CFAP47: variants seen among roughly 807,000 people sequenced by gnomAD.
The protein encoded by CFAP47 is cilia and flagella associated protein 47.
In CFAP47, 29 loss-of-function variants were observed where a neutral mutation model predicts 148.1. The observed-to-expected ratio is 0.20, with a 90% CI of 0.15 to 0.27. The LOEUF (loss-of-function observed/expected upper bound fraction) is 0.27. Among genes scored for constraint, CFAP47 ranks in the 10% least tolerant of loss-of-function variants. The probability of loss-of-function intolerance (pLI) is 1.00; values close to 1 mark genes in which losing one functional copy is unlikely to be tolerated. For missense variants in CFAP47, 1,872 were observed against 1,697.5 expected, an observed-to-expected ratio of 1.10 and a Z score of -1.81; for synonymous variants, 664 against 577.3, an observed-to-expected ratio of 1.15 and a Z score of -2.15.
rs918868742 is a variant in CFAP47 at position 36,065,796 on chromosome X, C to T, written c.4318+53C>T. 6 of 654,016 alleles carry T rather than the reference C, an allele frequency of 9.2e-6. No homozygotes were observed. In the African/African-American group the frequency reaches 1.3e-4, roughly 15 times the overall value. The allele number at this position is 654,016 out of a possible 1,213,427, so 53.9% of individuals were successfully genotyped here. A position where few individuals can be genotyped will look rare whatever the true frequency, so the allele number is the denominator to read the frequency against. Reference sequence around the variant, plus strand: ...TAACTCTCACTGTATAGGTTCTTGGCCAACATCTAGAAATAAAGTGAATTT... The same window carrying T: ...TAACTCTCACTGTATAGGTTCTTGGTCAACATCTAGAAATAAAGTGAATTT... On this transcript the variant is annotated intron_variant, in intron 27 of 63. Transcript: ENST00000378653.
At chrX:36,158,223 A>G (rs1422779007) in intron 37 of CFAP47, among the ~76,000 whole-genome samples, 1 of 111,964 alleles carries the variant, frequency 8.9e-6, no homozygotes, top group African/African-American at 3.2e-5. Context: ...AGCGAAGACA[A>G]TAGGTAGTAG....
chrX:36,344,308 TC>T (rs1225994502), intron 57 of CFAP47, among the ~76,000 whole-genome samples: 1 of 106,617 alleles, frequency 9.4e-6, no homozygotes, highest in African/African-American at 3.5e-5. Flanking sequence ...GAAGTTCAGT[TC>T]AAAAAAAAAA....
intron 33 of CFAP47, among the ~76,000 whole-genome samples, chrX:36,105,166 GA>G (rs777738975): frequency 8.0e-5 from 9 of 111,889 alleles, no homozygotes; most frequent in Non-Finnish European, 1.7e-4. Context: ...ATTTCACAAT[GA>G]AATAAAGTCA....
intron 49 of CFAP47, among the ~76,000 whole-genome samples, chrX:36,271,629 A>G (rs1420017852): frequency 5.4e-5 from 6 of 112,111 alleles, no homozygotes; most frequent in African/African-American, 1.9e-4. Context: ...ATTTCAAAAT[A>G]CTTTTTGCAC....
chrX:36,103,247 A>G (rs1238078216), intron 32 of CFAP47, among the ~76,000 whole-genome samples: 2 of 109,619 alleles, frequency 1.8e-5, no homozygotes, highest in African/African-American at 6.6e-5. Context: ...ATTAAAGCAG[A>G]TAATATAATG....
chrX:36,297,557 G>A (rs890543194), intron 51 of CFAP47, among the ~76,000 whole-genome samples: 3 of 111,644 alleles, frequency 2.7e-5, no homozygotes, highest in East Asian at 2.8e-4. Flanking sequence ...AGCTTTTGAC[G>A]TAGTGGAGAT....
At chrX:36,230,396 C>T (rs1220695992) in intron 46 of CFAP47, among the ~76,000 whole-genome samples, 2 of 109,425 alleles carry the variant, frequency 1.8e-5, no homozygotes, top group African/African-American at 3.4e-5. Flanking sequence ...TTTTTGGCTG[C>T]ATAAATGTCT....
intron 52 of CFAP47, among the ~76,000 whole-genome samples, chrX:36,300,768 G>A (rs1405886780): frequency 8.9e-6 from 1 of 112,155 alleles, no homozygotes; most frequent in Non-Finnish European, 1.9e-5. Context: ...GGCTTTTACT[G>A]TTCCACCTTC....
At chrX:36,058,130 T>A (rs1297506027) in intron 26 of CFAP47, among the ~76,000 whole-genome samples, 2 of 112,159 alleles carry the variant, frequency 1.8e-5, no homozygotes, top group Non-Finnish European at 3.8e-5. Flanking sequence ...TATTTTCTGC[T>A]ACATTCAAAC....
intron 60 of CFAP47, among the ~76,000 whole-genome samples, chrX:36,360,388 C>T (rs781938612): frequency 3.2e-4 from 36 of 111,428 alleles, no homozygotes; most frequent in Non-Finnish European, 1.9e-4. Flanking sequence ...ACACATCTGG[C>T]GCCTGTGTCT....
At chrX:35,951,098 A>G (rs1936156260) in intron 4 of CFAP47, 33 bp from the exon 5 acceptor site, 11 of 978,619 alleles carry the variant, frequency 1.1e-5, no homozygotes, top group Non-Finnish European at 1.6e-5. Flanking sequence ...TAATTAAAAT[A>G]TGTATGTATG....
At chrX:36,009,316 CAAATT>C (rs1280146608) in intron 21 of CFAP47, among the ~76,000 whole-genome samples, 1 of 110,042 alleles carries the variant, frequency 9.1e-6, no homozygotes, top group African/African-American at 3.3e-5. Flanking sequence ...TATTAATAAT[CAAATT>C]AAGAAAAAAA....
rs767595382 is a variant in CFAP47 at position 36,142,039 on chromosome X, A to G, written c.5536-3180A>G. Among the ~76,000 whole-genome samples the G allele has an allele frequency of 2.7e-5, 3 of 112,166 alleles. No homozygotes were observed. The South Asian group carries it at 1.1e-3, about 41-fold the overall frequency. ...TTGATTAAAAATAAAAAAAAAGAAT[A>G]TTCACAAAAAGTTAGGTTCTTAGTA... On this transcript the variant is annotated intron_variant, in intron 35 of 63. Coordinates refer to ENST00000378653, the MANE Select transcript of CFAP47 (RefSeq NM_001304548.2).
intron 41 of CFAP47, among the ~76,000 whole-genome samples, chrX:36,189,102 G>A (rs1324008985): frequency 2.7e-5 from 3 of 111,215 alleles, no homozygotes; most frequent in Non-Finnish European, 5.7e-5. Flanking sequence ...TATAATGATC[G>A]GTAGAACAAA....
rs1326071535 is a variant in CFAP47 at position 35,966,646 on chromosome X, G to A, written c.1492G>A (p.Glu498Lys). The change falls in exon 9 of 64, where the codon GAA becomes AAA. Residue 498 changes from glutamate to lysine, a missense_variant. Coordinates refer to ENST00000378653, the MANE Select transcript of CFAP47 (RefSeq NM_001304548.2). Reference sequence around the variant, plus strand: ...GATAGAGATTATTGGTTTAGTGGCAGAAGAAGATTTGCAATCTTTGTCGGT... The same window carrying A: ...GATAGAGATTATTGGTTTAGTGGCAAAAGAAGATTTGCAATCTTTGTCGGT... ...QMIEIIGLVA[E>K]EDLQSLSVKS... The A allele has an allele frequency of 1.7e-6, 2 of 1,181,902 alleles. No homozygotes were observed. Among genetic ancestry groups the A allele is most frequent in the Admixed American group, 4.5e-5 (2 of 43,997 alleles).
In CFAP47 at chrX:35,968,269, C is replaced by A. The variant is rs180818304; in HGVS notation, c.1814+437C>A. On this transcript the variant is annotated intron_variant, in intron 10 of 63. Transcript: ENST00000378653. ...GGTTATCATCATCATCATCATCCTC[C>A]TCATCATCATCATCTTTGTTTGACC... Among the ~76,000 whole-genome samples, 14 of 110,601 alleles carry A rather than the reference C, an allele frequency of 1.3e-4. 1 individual carries two copies. In the East Asian group the frequency reaches 4.0e-3, roughly 31 times the overall value.
chrX:36,378,242 A>T (rs1315750430), intron 62 of CFAP47, among the ~76,000 whole-genome samples: 1 of 112,447 alleles, frequency 8.9e-6, no homozygotes, highest in African/African-American at 3.2e-5. Context: ...CAACCTTGAC[A>T]TAAAGATAGT....
rs144885569 is a variant in CFAP47 at position 36,165,080 on chromosome X, G to A, written c.6026+4311G>A. Among the ~76,000 whole-genome samples, 64 of 111,601 alleles carry A rather than the reference G, an allele frequency of 5.7e-4. No individual in the cohort carries two copies. The East Asian group carries it at 0.016, about 28-fold the overall frequency. ...TTCTGTGACTGACTTATTTCACTTA[G>A]CATAATGTCCTCCAGGTTCATCCAC... is the stretch of plus-strand genomic sequence containing the variant. On this transcript the variant is annotated intron_variant, in intron 39 of 63. Coordinates refer to ENST00000378653, the MANE Select transcript of CFAP47 (RefSeq NM_001304548.2).
In CFAP47 at chrX:35,958,932, G is replaced by A. The variant is rs1014201158; in HGVS notation, c.1410+2736G>A. 2.7e-5 allele frequency among the ~76,000 whole-genome samples: 3 copies of A among 111,769 alleles called. No individual in the cohort carries two copies. The East Asian group carries it at 8.4e-4, about 31-fold the overall frequency. On this transcript the variant is annotated intron_variant, in intron 8 of 63. Coordinates refer to ENST00000378653, the MANE Select transcript of CFAP47 (RefSeq NM_001304548.2). ...GGACAGAAAATGTGTCAGTGTCAAAGTAATGGAAGACTTTACTGTCCATTG... is the reference window on the plus strand; with the variant it reads ...GGACAGAAAATGTGTCAGTGTCAAAATAATGGAAGACTTTACTGTCCATTG...
Sources: allele counts gnomAD v4.1 joint callset (sites outside exome capture counted in the v4.1 genomes callset), GRCh38; gene constraint gnomAD v4.1.1; transcripts MANE v1.5; gene names NCBI Gene and HGNC (gene_info 2026-07-23, HGNC 2026-07-21).